RALGPS2: variants seen among roughly 807,000 people sequenced by gnomAD.
The protein encoded by RALGPS2 is ras-specific guanine nucleotide-releasing factor RalGPS2.
RALGPS2 carries 43 observed loss-of-function variants against 86.8 expected under a neutral mutation model. The observed-to-expected ratio is 0.50, with a 90% CI of 0.39 to 0.64. The LOEUF (loss-of-function observed/expected upper bound fraction) is 0.64, where lower values mean the gene tolerates loss of function less well. RALGPS2 is among the 30% of genes least tolerant of loss of function. RALGPS2 has a pLI of 0.00. For missense variants in RALGPS2, 536 were observed against 694.6 expected (o/e 0.77, Z 2.57); for synonymous variants, 243 against 231.3 (o/e 1.05, Z -0.46).
Position 178,885,109 on chromosome 1 carries a change from GA to G in RALGPS2, c.943del (p.Ser315ValfsTer19). On this transcript the variant is annotated frameshift_variant, in exon 12 of 20. Coordinates refer to ENST00000367635, the MANE Select transcript of RALGPS2 (RefSeq NM_152663.5). LOFTEE classifies it high-confidence loss of function. ...GTAGGAGCGTCTCCACAGAGTGGAC[GA>G]AAAAGTGTGGCAGCTGAAGGAGCCT... ...PEVGASPQSG[R>X]KSVAAEGALL... The G allele has an allele frequency of 6.2e-7, 1 of 1,610,710 alleles. No homozygotes were observed. Among genetic ancestry groups the G allele is most frequent in the South Asian group, 1.1e-5 (1 of 90,224 alleles).
chr1:178,787,164 C>CA (rs1366807702), intron 4 of RALGPS2, among the ~76,000 whole-genome samples: 2 of 151,498 alleles, frequency 1.3e-5, no homozygotes, highest in African/African-American at 2.4e-5. Context: ...AAAAAAAAAT[C>CA]AAAAAAATGA....
intron 4 of RALGPS2, among the ~76,000 whole-genome samples, chr1:178,806,530 A>G (rs1188253143): frequency 6.6e-6 from 1 of 152,094 alleles, no homozygotes; most frequent in African/African-American, 2.4e-5. Context: ...TACTCCTATC[A>G]TTAACTTTTT....
In RALGPS2 at chr1:178,849,849, C is replaced by G. The variant is rs1482992617; in HGVS notation, c.607+16299C>G. On this transcript the variant is annotated intron_variant, in intron 8 of 19. Coordinates refer to ENST00000367635, the MANE Select transcript of RALGPS2 (RefSeq NM_152663.5). ...AGCTATTCCCATGCATAGTTTGCCT[C>G]ACACATTTCAATTCGAGGTTTTCTT... 4.6e-5 allele frequency: 7 copies of G among 152,226 alleles called. No individual in the cohort carries two copies. The East Asian group carries it at 1.3e-3, about 29-fold the overall frequency. The allele number at this position is 152,226 out of a possible 1,614,324, so 9.4% of individuals were successfully genotyped here.
chr1:178,765,672 C>T (rs952737649), intron 1 of RALGPS2, among the ~76,000 whole-genome samples: 3 of 152,094 alleles, frequency 2.0e-5, no homozygotes, highest in Non-Finnish European at 4.4e-5. Context: ...AGCCTGAGAG[C>T]GCTATGGGAG....
chr1:178,867,869 T>C (rs151200329), intron 8 of RALGPS2, among the ~76,000 whole-genome samples: 1 of 152,164 alleles, frequency 6.6e-6, no homozygotes, highest in African/African-American at 2.4e-5. Context: ...GCTGTCGTCA[T>C]GAAGACTACT....
At chr1:178,801,191 G>A (rs1296518891) in intron 4 of RALGPS2, among the ~76,000 whole-genome samples, 1 of 152,060 alleles carries the variant, frequency 6.6e-6, no homozygotes, top group African/African-American at 2.4e-5. Context: ...CTCCCAAAGT[G>A]TTAGGATTAC....
Position 178,784,510 on chromosome 1 carries a change from A to G in RALGPS2, c.150A>G (p.Pro50=), listed in dbSNP as rs1437491595. ...TATTCGATGTTCTTAAGGTTACACCAGAAGAATATGCGGTAAGCCTCCTAC... is the reference window on the plus strand; with the variant it reads ...TATTCGATGTTCTTAAGGTTACACCGGAAGAATATGCGGTAAGCCTCCTAC... ...AVVFDVLKVT[P]EEYAGQITLM... is the part of the protein sequence containing the mutation. The change falls in exon 3 of 20, where the codon CCA becomes CCG. Residue 50 remains proline, a synonymous_variant. Transcript: ENST00000367635. 1.3e-6 allele frequency: 2 copies of G among 1,591,860 alleles called. No homozygotes were observed. The highest frequency in any genetic ancestry group is 1.7e-5 in the Admixed American group (1 of 59,508).
intron 1 of RALGPS2, among the ~76,000 whole-genome samples, chr1:178,726,664 CCAA>C (rs1037377604): frequency 1.3e-5 from 2 of 151,802 alleles, no homozygotes; most frequent in African/African-American, 4.8e-5. Context: ...TTTTTTTTCC[CCAA>C]CACTTTAGTT....
chr1:178,833,374 C>T (rs569861461), intron 7 of RALGPS2, 50 bp from the exon 8 acceptor site: 1 of 1,431,574 alleles, frequency 7.0e-7, no homozygotes, highest in South Asian at 1.6e-5. Flanking sequence ...GTCTTTGCTA[C>T]AATAAAATGA....
At chr1:178,726,608 C>T (rs1454735505) in intron 1 of RALGPS2, among the ~76,000 whole-genome samples, 1 of 151,760 alleles carries the variant, frequency 6.6e-6, no homozygotes, top group Non-Finnish European at 1.5e-5. Context: ...AAAGTGGAAT[C>T]ACACAAGCAG....
intron 1 of RALGPS2, among the ~76,000 whole-genome samples, chr1:178,726,556 C>T (rs1650021140): frequency 6.6e-6 from 1 of 151,632 alleles, no homozygotes; most frequent in Non-Finnish European, 1.5e-5. Flanking sequence ...AAAAAAAAAC[C>T]CCAAAAGAAA....
chr1:178,742,200 C>T (rs138964290), intron 1 of RALGPS2, among the ~76,000 whole-genome samples: 1 of 148,840 alleles, frequency 6.7e-6, no homozygotes, highest in Non-Finnish European at 1.5e-5. Context: ...CAAGAGTTAA[C>T]CATCTCCTGC....
intron 6 of RALGPS2, among the ~76,000 whole-genome samples, chr1:178,811,734 C>T (rs1650344338): frequency 6.6e-6 from 1 of 152,104 alleles, no homozygotes; most frequent in African/African-American, 2.4e-5. Context: ...ATGAAGAAAG[C>T]CATAAAGAAT....
chr1:178,918,898 C>G lies in RALGPS2; in HGVS notation c.*2539C>G, dbSNP rs1431634180. The G allele has an allele frequency of 6.6e-6, 1 of 151,932 alleles. No homozygotes were observed. Among genetic ancestry groups the G allele is most frequent in the Non-Finnish European group, 1.5e-5 (1 of 67,904 alleles). The allele number at this position is 151,932 out of a possible 1,614,324, so 9.4% of individuals were successfully genotyped here. ...GGGAAGATGAATCTTCTTATTAAGC[C>G]TGCCCTCAATTGTAAATAAGTGACT... is the stretch of plus-strand genomic sequence containing the variant. On this transcript the variant is annotated 3_prime_UTR_variant, in exon 20 of 20. Transcript: ENST00000367635.
chr1:178,767,784 T>G (rs2102079061), intron 1 of RALGPS2, among the ~76,000 whole-genome samples: 1 of 152,300 alleles, frequency 6.6e-6, no homozygotes, highest in South Asian at 2.1e-4. Context: ...CTCAACAGAT[T>G]CAGGCTGAAG....
intron 4 of RALGPS2, among the ~76,000 whole-genome samples, chr1:178,786,610 C>A (rs993766961): frequency 1.3e-5 from 2 of 151,374 alleles, no homozygotes; most frequent in African/African-American, 4.9e-5. Flanking sequence ...CTTTGGTACA[C>A]AACTAAGTGG....
chr1:178,856,456 G>A (rs1657593810), intron 8 of RALGPS2, among the ~76,000 whole-genome samples: 1 of 122,960 alleles, frequency 8.1e-6, no homozygotes, highest in Admixed American at 8.9e-5. Flanking sequence ...CATTGCCCAG[G>A]GTGGTCTTGA....
intron 8 of RALGPS2, among the ~76,000 whole-genome samples, chr1:178,840,807 A>G (rs1431129842): frequency 6.6e-6 from 1 of 152,206 alleles, no homozygotes; most frequent in Non-Finnish European, 1.5e-5. Flanking sequence ...ATAAAAAATG[A>G]TAAAGGGGAT....
chr1:178,897,929 A>G (rs1367304120), intron 17 of RALGPS2, among the ~76,000 whole-genome samples, 173 bp downstream of exon 17: 1 of 151,982 alleles, frequency 6.6e-6, no homozygotes, highest in Admixed American at 6.6e-5. Flanking sequence ...TTCCATTGCA[A>G]ATGTCAAAAC....
Sources: gnomAD v4.1 joint callset for allele counts (sites outside exome capture counted in the v4.1 genomes callset) on GRCh38, gnomAD v4.1.1 for gene constraint, MANE v1.5 for transcripts, NCBI Gene and HGNC (gene_info 2026-07-23, HGNC 2026-07-21) for gene names.